GRXCR1: variants seen among roughly 807,000 people sequenced by gnomAD.
GRXCR1 encodes the protein glutaredoxin and cysteine rich domain containing 1.
Under a neutral mutation model 27.3 loss-of-function variants are expected in GRXCR1, and 27 were observed. The observed-to-expected ratio is 0.99, with a 90% CI of 0.73 to 1.37. The LOEUF (loss-of-function observed/expected upper bound fraction) is 1.37. Ranked by LOEUF, GRXCR1 falls within the 40% of genes most tolerant of loss-of-function variation. The probability of loss-of-function intolerance (pLI) is 0.00; values close to 1 mark genes in which losing one functional copy is unlikely to be tolerated. For synonymous variants in GRXCR1, 122 were observed against 131.1 expected, an observed-to-expected ratio of 0.93 and a Z score of 0.47; for missense variants, 379 against 354.4, an observed-to-expected ratio of 1.07 and a Z score of -0.56.
chr4:42,935,213 C>T (rs1747428725), intron 1 of GRXCR1, among the ~76,000 whole-genome samples: 1 of 151,872 alleles, frequency 6.6e-6, no homozygotes, highest in Non-Finnish European at 1.5e-5. Context: ...AGATACACAG[C>T]TGCATGCACT....
At chr4:42,987,263 T>TA (rs1560677001) in intron 2 of GRXCR1, among the ~76,000 whole-genome samples, 1 of 76,892 alleles carries the variant, frequency 1.3e-5, no homozygotes, top group African/African-American at 5.2e-5. Flanking sequence ...ATATATATAA[T>TA]ATATATATAT....
At chr4:43,014,745 T>G (rs1418155454) in intron 2 of GRXCR1, among the ~76,000 whole-genome samples, 1 of 152,212 alleles carries the variant, frequency 6.6e-6, no homozygotes. Context: ...GTTTTTCTAT[T>G]TGAAATCATC....
intron 1 of GRXCR1, among the ~76,000 whole-genome samples, chr4:42,912,200 T>G (rs1450794704): frequency 1.3e-5 from 2 of 152,150 alleles, no homozygotes; most frequent in Admixed American, 1.3e-4. Context: ...CATGGGGATT[T>G]GAGGAGATTA....
chr4:42,898,146 A>T (rs1363885525), intron 1 of GRXCR1, among the ~76,000 whole-genome samples: 2 of 152,000 alleles, frequency 1.3e-5, no homozygotes, highest in African/African-American at 2.4e-5. Context: ...GACTAAATGT[A>T]TCATGTAATA....
At chr4:42,922,746 CTT>C (rs1346112699) in intron 1 of GRXCR1, among the ~76,000 whole-genome samples, 1 of 152,002 alleles carries the variant, frequency 6.6e-6, no homozygotes, top group East Asian at 1.9e-4. Flanking sequence ...CCCTTGCTGT[CTT>C]TTGTTATCAG....
At chr4:42,904,937 G>C (rs560611862) in intron 1 of GRXCR1, among the ~76,000 whole-genome samples, 5 of 152,158 alleles carry the variant, frequency 3.3e-5, no homozygotes, top group Non-Finnish European at 7.3e-5. Context: ...TAGAGATTCT[G>C]TTCCTCTCAG....
At chr4:42,964,237 AAAAT>A (rs1164172937) in intron 2 of GRXCR1, among the ~76,000 whole-genome samples, 1 of 152,004 alleles carries the variant, frequency 6.6e-6, no homozygotes. Context: ...TCATGGTAAA[AAAAT>A]AAATAATAAT....
intron 2 of GRXCR1, among the ~76,000 whole-genome samples, chr4:42,966,089 T>A (rs547038247): frequency 4.6e-5 from 7 of 152,226 alleles, no homozygotes; most frequent in African/African-American, 1.4e-4. Flanking sequence ...TGCCCTTGGA[T>A]ACTCCACAGT....
At chr4:42,941,616 G>C (rs1747625664) in intron 1 of GRXCR1, among the ~76,000 whole-genome samples, 1 of 151,928 alleles carries the variant, frequency 6.6e-6, no homozygotes, top group Non-Finnish European at 1.5e-5. Context: ...GTTCCAGAAG[G>C]ATAACATAAA....
At chr4:42,977,558 T>A (rs2109782866) in intron 2 of GRXCR1, among the ~76,000 whole-genome samples, 1 of 152,066 alleles carries the variant, frequency 6.6e-6, no homozygotes, top group East Asian at 1.9e-4. Context: ...TCCCTAACAA[T>A]CAACAATGTT....
rs1422937318 is a variant in GRXCR1 at position 42,893,468 on chromosome 4, T to A, written c.202T>A (p.Ser68Thr). Reference sequence around the variant, plus strand: ...TGGACAGCAGAATGGCCACATAGAGTCAGAAGGTGATGAGAATGAGAATGA... The same window carrying A: ...TGGACAGCAGAATGGCCACATAGAGACAGAAGGTGATGAGAATGAGAATGA... ...SDGQQNGHIE[S>T]EGDENENDQD... The change falls in exon 1 of 4, where the codon TCA becomes ACA. Residue 68 changes from serine to threonine, a missense_variant. Ser to Thr is a moderately conservative substitution (Grantham distance 58). Coordinates refer to ENST00000399770, the MANE Select transcript of GRXCR1 (RefSeq NM_001080476.3). 6.2e-7 allele frequency: 1 copy of A among 1,613,436 alleles called. No individual in the cohort carries two copies. Among genetic ancestry groups the A allele is most frequent in the Non-Finnish European group, 8.5e-7 (1 of 1,179,778 alleles).
chr4:42,952,184 C>A (rs1747897220), intron 1 of GRXCR1, among the ~76,000 whole-genome samples: 1 of 152,214 alleles, frequency 6.6e-6, no homozygotes, highest in Non-Finnish European at 1.5e-5. Flanking sequence ...ATATCCCAAA[C>A]AAATGTGAAG....
At chr4:42,927,240 G>A (rs1480095755) in intron 1 of GRXCR1, among the ~76,000 whole-genome samples, 1 of 151,980 alleles carries the variant, frequency 6.6e-6, no homozygotes, top group Non-Finnish European at 1.5e-5. Flanking sequence ...GCATACTGAG[G>A]CTGGGGTTGT....
intron 2 of GRXCR1, among the ~76,000 whole-genome samples, chr4:42,996,727 C>T (rs2109793943): frequency 6.6e-6 from 1 of 151,862 alleles, no homozygotes; most frequent in South Asian, 2.1e-4. Context: ...TTGAAGATGA[C>T]TCTGTAGTGA....
At chr4:43,000,743 G>T (rs906901095) in intron 2 of GRXCR1, among the ~76,000 whole-genome samples, 1 of 151,972 alleles carries the variant, frequency 6.6e-6, no homozygotes. Flanking sequence ...GCATCCACGA[G>T]GGGGTCCTGA....
At chr4:43,005,801 G>T (rs1322684075) in intron 2 of GRXCR1, among the ~76,000 whole-genome samples, 1 of 152,158 alleles carries the variant, frequency 6.6e-6, no homozygotes, top group African/African-American at 2.4e-5. Flanking sequence ...GCCAAAGTTT[G>T]GAAAGGGACA....
intron 2 of GRXCR1, among the ~76,000 whole-genome samples, chr4:43,009,675 C>T (rs536628540): frequency 6.6e-6 from 1 of 152,170 alleles, no homozygotes; most frequent in Admixed American, 6.5e-5. Context: ...GTAGAAGGCA[C>T]AAAGCAGCTC....
chr4:43,005,494 C>A (rs1208809706), intron 2 of GRXCR1, among the ~76,000 whole-genome samples: 2 of 151,952 alleles, frequency 1.3e-5, no homozygotes, highest in Non-Finnish European at 2.9e-5. Flanking sequence ...GTTCTTTTTC[C>A]CAATGTTGGA....
At chr4:42,925,338 C>T (rs1747134865) in intron 1 of GRXCR1, among the ~76,000 whole-genome samples, 4 of 151,976 alleles carry the variant, frequency 2.6e-5, no homozygotes, top group Admixed American at 2.6e-4. Context: ...CAACTGAAGG[C>T]ATTTCATGTT....
Sources: allele counts gnomAD v4.1 joint callset (sites outside exome capture counted in the v4.1 genomes callset), GRCh38; gene constraint gnomAD v4.1.1; transcripts MANE v1.5; gene names NCBI Gene and HGNC (gene_info 2026-07-23, HGNC 2026-07-21).